Variants in SGPP2 observed in about 807,000 individuals in gnomAD.
SGPP2 encodes sphingosine-1-phosphate phosphatase 2.
A neutral mutation model predicts 33.9 loss-of-function variants in SGPP2; 30 were observed. The observed-to-expected ratio is 0.89, with a 90% CI of 0.66 to 1.20. The LOEUF is 1.20. SGPP2 is among the 50% of genes most tolerant of loss of function. The pLI, the probability that SGPP2 is intolerant of heterozygous loss-of-function variation, is 0.00. For missense variants in SGPP2, 458 were observed against 532.1 expected, an observed-to-expected ratio of 0.86 and a Z score of 1.37; for synonymous variants, 233 against 225.0, an observed-to-expected ratio of 1.04 and a Z score of -0.32.
rs745726565 is a variant in SGPP2, at chr2:222,560,731, T to A, written c.*1833T>A. On this transcript the variant is annotated 3_prime_UTR_variant, in exon 5 of 5. Coordinates refer to ENST00000321276, the MANE Select transcript of SGPP2 (RefSeq NM_152386.4). ...CTCTTAACGTGTTAAAACCGAAAAA[T>A]CACATTTTTCTTGATTTCAAATATG... 6.6e-6 allele frequency: 1 copy of A among 152,102 alleles called. No individual in the cohort carries two copies. Among genetic ancestry groups the A allele is most frequent in the Non-Finnish European group, 1.5e-5 (1 of 68,014 alleles). 9.4% of individuals were successfully genotyped at this position (152,102 alleles called of 1,614,324 possible).
At chr2:222,472,149 G>A (rs1228285969) in intron 1 of SGPP2, among the ~76,000 whole-genome samples, 3 of 152,074 alleles carry the variant, frequency 2.0e-5, no homozygotes, top group Admixed American at 2.0e-4. Flanking sequence ...TGTAAGGTTC[G>A]GAGGCAAGTG....
chr2:222,442,329 T>A lies in SGPP2; in HGVS notation c.219+17508T>A, dbSNP rs1438787663. 3.3e-5 allele frequency among the ~76,000 whole-genome samples: 5 copies of A among 152,334 alleles called. No individual in the cohort carries two copies. In the Middle Eastern group the frequency reaches 0.014, roughly 415 times the overall value. On this transcript the variant is annotated intron_variant, in intron 1 of 4. Coordinates refer to ENST00000321276, the MANE Select transcript of SGPP2 (RefSeq NM_152386.4). ...CGTCTTGGGCATGCTTTTTGTTGGA[T>A]CTTGGTTTCTCTTCATCTGGTGACA...
chr2:222,439,255 G>T (rs765797992), intron 1 of SGPP2, among the ~76,000 whole-genome samples: 12 of 152,162 alleles, frequency 7.9e-5, no homozygotes, highest in Admixed American at 2.0e-4. Context: ...TAAATTTTCG[G>T]TAATGTAATG....
chr2:222,450,426 G>T (rs939772731), intron 1 of SGPP2, among the ~76,000 whole-genome samples: 1 of 152,098 alleles, frequency 6.6e-6, no homozygotes, highest in Non-Finnish European at 1.5e-5. Flanking sequence ...CCATCAATTA[G>T]TTATAGGCTA....
At chr2:222,504,017 G>A (rs906415490) in intron 2 of SGPP2, 6 of 152,220 alleles carry the variant, frequency 3.9e-5, no homozygotes, top group Non-Finnish European at 4.4e-5. Flanking sequence ...GATAGTGGTT[G>A]TCACAAAGGC....
intron 3 of SGPP2, among the ~76,000 whole-genome samples, chr2:222,522,835 C>T (rs555506487): frequency 4.6e-4 from 70 of 152,262 alleles, no homozygotes; most frequent in Middle Eastern, 3.4e-3. Context: ...TGCACCACTA[C>T]GCCCAGATAA....
chr2:222,561,351 C>T lies in SGPP2; in HGVS notation c.*2453C>T, dbSNP rs191542941. ...CGGCACTTTTCTGTATTTTCATCCA[C>T]ACAGCTGCCCAGCCAGAGTTCGCAA... is the stretch of plus-strand genomic sequence containing the variant. On this transcript the variant is annotated 3_prime_UTR_variant, in exon 5 of 5. Transcript: ENST00000321276. Among the ~76,000 whole-genome samples, 146 of 152,124 alleles carry T rather than the reference C, an allele frequency of 9.6e-4. No homozygotes were observed. The highest frequency in any genetic ancestry group is 3.3e-3 in the African/African-American group (138 of 41,514).
chr2:222,559,005 G>A lies in SGPP2; in HGVS notation c.*107G>A, dbSNP rs958555046. 4 of 1,080,306 alleles carry A rather than the reference G, an allele frequency of 3.7e-6. No individual in the cohort carries two copies. The African/African-American group carries it at 6.3e-5, about 17-fold the overall frequency. 66.9% of individuals were successfully genotyped at this position (1,080,306 alleles called of 1,614,324 possible). The stretch of plus-strand genomic sequence containing the variant: ...TATTTTTCTTTAACAACAACAAAAA[G>A]TCATACGGCTGTCTTGCTACTACCA... On this transcript the variant is annotated 3_prime_UTR_variant, in exon 5 of 5. Transcript: ENST00000321276.
Position 222,460,635 on chromosome 2 carries a change from G to A in SGPP2, c.220-13933G>A, listed in dbSNP as rs114497005. Among the ~76,000 whole-genome samples, 2,949 of 152,102 alleles carry A rather than the reference G, an allele frequency of 0.019. 89 individuals carry two copies. The highest frequency in any genetic ancestry group is 0.067 in the African/African-American group (2,784 of 41,478). On this transcript the variant is annotated intron_variant, in intron 1 of 4. Coordinates refer to ENST00000321276, the MANE Select transcript of SGPP2 (RefSeq NM_152386.4). This position sits in a 1 kb window ranked among gnomAD's most constrained non-coding sequence, Gnocchi z 4.3. ...GTTCTAAACCCAGCCTCCTTATTAC[G>A]ACCTCCAGGGCTCTCCTCTCTGGCT...
At chr2:222,537,032 C>T (rs904291671) in intron 4 of SGPP2, among the ~76,000 whole-genome samples, 4 of 152,212 alleles carry the variant, frequency 2.6e-5, no homozygotes, top group South Asian at 2.1e-4. Flanking sequence ...AAGAAGAATC[C>T]GAAGTATTTA....
At chr2:222,425,989 T>C (rs1697063476) in intron 1 of SGPP2, among the ~76,000 whole-genome samples, 1 of 151,818 alleles carries the variant, frequency 6.6e-6, no homozygotes, top group African/African-American at 2.4e-5. Flanking sequence ...GACATTCCGG[T>C]AACCTATAGA....
intron 1 of SGPP2, among the ~76,000 whole-genome samples, chr2:222,438,674 C>T (rs934075262): frequency 6.6e-6 from 1 of 152,234 alleles, no homozygotes; most frequent in Non-Finnish European, 1.5e-5. Flanking sequence ...CTTGATTAAT[C>T]TTACAGTAAC....
rs190386675 is a variant in SGPP2, at chr2:222,464,928, G to A, written c.220-9640G>A. Among the ~76,000 whole-genome samples, 164 of 152,324 alleles carry A rather than the reference G, an allele frequency of 1.1e-3. 2 individuals carry two copies. Among genetic ancestry groups the A allele is most frequent in the African/African-American group, 3.7e-3 (155 of 41,572 alleles). On this transcript the variant is annotated intron_variant, in intron 1 of 4. Transcript: ENST00000321276. Reference sequence around the variant, plus strand: ...TTAATTTGTAGTCCTGGTCCACCTTGAGGAAAAGGAAGAAAAGATATTAGA... The same window carrying A: ...TTAATTTGTAGTCCTGGTCCACCTTAAGGAAAAGGAAGAAAAGATATTAGA...
chr2:222,543,723 A>G (rs1311340521), intron 4 of SGPP2, among the ~76,000 whole-genome samples: 1 of 152,170 alleles, frequency 6.6e-6, no homozygotes, highest in African/African-American at 2.4e-5. Flanking sequence ...GTCTATCCTC[A>G]TGCCAGTGCC....
intron 2 of SGPP2, among the ~76,000 whole-genome samples, chr2:222,503,585 G>A (rs1698399207): frequency 6.6e-6 from 1 of 152,062 alleles, no homozygotes; most frequent in South Asian, 2.1e-4. Context: ...TAGTGTGTAG[G>A]ATTATAATGC....
intron 2 of SGPP2, among the ~76,000 whole-genome samples, chr2:222,518,385 G>T (rs1439725846): frequency 6.6e-6 from 1 of 152,084 alleles, no homozygotes; most frequent in African/African-American, 2.4e-5. Flanking sequence ...TGATTCTAAG[G>T]TTTCCTGTTT....
chr2:222,516,642 A>G (rs1004590749), intron 2 of SGPP2, among the ~76,000 whole-genome samples: 1 of 152,186 alleles, frequency 6.6e-6, no homozygotes. Flanking sequence ...AGAAACTACC[A>G]AACTATTTTC....
intron 3 of SGPP2, among the ~76,000 whole-genome samples, chr2:222,522,756 G>C (rs1207429636): frequency 6.6e-6 from 1 of 152,156 alleles, no homozygotes; most frequent in Non-Finnish European, 1.5e-5. Flanking sequence ...ACCACCCACT[G>C]TAGTCTTGAC....
chr2:222,497,933 G>A (rs1035746909), intron 2 of SGPP2, among the ~76,000 whole-genome samples: 2 of 152,130 alleles, frequency 1.3e-5, no homozygotes, highest in Non-Finnish European at 2.9e-5. Flanking sequence ...GGCCCCTGGG[G>A]GAGAGAGTCC....
Sources: gnomAD v4.1 joint callset for allele counts (sites outside exome capture counted in the v4.1 genomes callset) on GRCh38, gnomAD v4.1.1 for gene constraint, Gnocchi (gnomAD v3.1) non-coding constraint, MANE v1.5 for transcripts, NCBI Gene and HGNC (gene_info 2026-07-23, HGNC 2026-07-21) for gene names.